The following STARD9 variants were observed in gnomAD, a reference collection of about 807,000 sequenced individuals.
The protein encoded by STARD9 is StAR related lipid transfer domain containing 9.
Under a neutral mutation model 399.8 loss-of-function variants are expected in STARD9, and 346 were observed. The ratio of observed to expected loss-of-function variants is 0.87; its 90% CI spans 0.79 to 0.95. The LOEUF is 0.95. Ranked by LOEUF, STARD9 falls within the 40% of genes least tolerant of loss-of-function variation. STARD9 has a pLI of 0.00. For synonymous variants in STARD9, 2,203 were observed against 2,143.5 expected (o/e 1.03, Z -0.77); for missense variants, 5,832 against 5,667.5 (o/e 1.03, Z -0.93).
chr15:42,679,947 A>G (rs529269398), intron 20 of STARD9, among the ~76,000 whole-genome samples: 21 of 152,190 alleles, frequency 1.4e-4, no homozygotes, highest in Non-Finnish European at 2.6e-4. Flanking sequence ...TGCCTGAGAT[A>G]TAGTTCCAGC....
chr15:42,645,689 C>T (rs901693167), intron 7 of STARD9, among the ~76,000 whole-genome samples: 9 of 151,910 alleles, frequency 5.9e-5, no homozygotes, highest in African/African-American at 1.9e-4. Flanking sequence ...CCCACCCATG[C>T]GCTACCATAC....
Position 42,690,184 on chromosome 15 carries a change from C to T in STARD9, c.8606C>T (p.Pro2869Leu). ...CTGACAAGGGTTGCACTGGAAGCTC[C>T]CACACAGCAGTGTGTGCAGTGTAAG... ...GALTRVALEA[P>L]TQQCVQCKES... is the part of the protein sequence containing the mutation. The change falls in exon 23 of 33, where the codon CCC becomes CTC. Residue 2869 changes from proline to leucine, a missense_variant. Around this residue, in one of 2 missense-constraint regions of STARD9, gnomAD observed 5,828 missense variants for 5,651.1 expected, o/e 1.03. Transcript: ENST00000290607. 1 of 1,537,648 alleles carries T rather than the reference C, an allele frequency of 6.5e-7. No homozygotes were observed. Among genetic ancestry groups the T allele is most frequent in the Non-Finnish European group, 8.7e-7 (1 of 1,146,924 alleles).
In STARD9 at chr15:42,663,742, G is replaced by A. The variant is rs2060034634; in HGVS notation, c.1079-78G>A. 5 of 1,090,338 alleles carry A rather than the reference G, an allele frequency of 4.6e-6. No individual in the cohort carries two copies. The South Asian group carries it at 5.4e-5, about 12-fold the overall frequency. 67.5% of individuals were successfully genotyped at this position (1,090,338 alleles called of 1,614,324 possible). A position where few individuals can be genotyped will look rare whatever the true frequency, so the allele number is the denominator to read the frequency against. ...TCATCAGGGGTCTTATACAGCATGG[G>A]CAGTAGTAACAAGGCAAGTGATTAA... On this transcript the variant is annotated intron_variant, in intron 12 of 32. Coordinates refer to ENST00000290607, the MANE Select transcript of STARD9 (RefSeq NM_020759.3).
Position 42,675,645 on chromosome 15 carries a change from A to T in STARD9, c.1688-19A>T. On this transcript the variant is annotated intron_variant, in intron 18 of 32. Transcript: ENST00000290607. ...AACATGAGCTGTTGATTGAATTCTC[A>T]TTTGTCTCTGTGCTGCAGGAGCTGT... is the stretch of plus-strand genomic sequence containing the variant. 6.5e-7 allele frequency: 1 copy of T among 1,530,234 alleles called. No homozygotes were observed. The highest frequency in any genetic ancestry group is 1.4e-5 in the African/African-American group (1 of 72,988). The allele number at this position is 1,530,234 out of a possible 1,614,324, so 94.8% of individuals were successfully genotyped here.
At position 42,691,000 on chromosome 15, in the gene STARD9, C is replaced by T. The variant is rs984694958; in HGVS notation, c.9422C>T (p.Pro3141Leu). The T allele has an allele frequency of 7.2e-6, 11 of 1,537,190 alleles. No homozygotes were observed. The highest frequency in any genetic ancestry group is 7.8e-6 in the Non-Finnish European group (9 of 1,146,892). Residue 3141 changes from proline to leucine, a missense_variant, in exon 23 of 33, where the codon CCA becomes CTA. Physicochemically the swap from Pro to Leu is moderately conservative, Grantham distance 98. This residue lies in a region of STARD9 where 5,828 missense variants were observed against 5,651.1 expected (regional missense o/e 1.03). Transcript: ENST00000290607. The stretch of plus-strand genomic sequence containing the variant: ...GAACCACCTGCAACAACTCAGGGAC[C>T]ACACACCCTGGATTTAAGTGAAGGG... ...NPEPPATTQG[P>L]HTLDLSEGSA...
In STARD9 at chr15:42,689,054, C is replaced by T. The variant is rs1345467995; in HGVS notation, c.7476C>T (p.Phe2492=). 1.3e-6 allele frequency: 2 copies of T among 1,537,188 alleles called. No homozygotes were observed. The highest frequency in any genetic ancestry group is 2.7e-5 in the African/African-American group (2 of 73,056). Residue 2492 remains phenylalanine (F), a synonymous_variant, in exon 23 of 33, where the codon TTC becomes TTT. Transcript: ENST00000290607. ...VSSQPEKRVS[F]SLEEDSDQAS... is the part of the protein sequence containing the mutation. ...GCCAGCCTGAAAAGAGGGTCAGCTT[C>T]TCCTTGGAAGAGGATAGTGACCAAG...
chr15:42,683,798 A>C (rs1304647133), intron 22 of STARD9, among the ~76,000 whole-genome samples: 1 of 152,158 alleles, frequency 6.6e-6, no homozygotes, highest in Non-Finnish European at 1.5e-5. Flanking sequence ...CTATAGATTT[A>C]TCTTTTGGTT....
rs1566893767 is a variant in STARD9 at position 42,637,947 on chromosome 15, C to T, written c.384+8C>T. 97 of 1,537,146 alleles carry T rather than the reference C, an allele frequency of 6.3e-5. No individual in the cohort carries two copies. The highest frequency in any genetic ancestry group is 8.2e-5 in the Non-Finnish European group (94 of 1,146,894). On this transcript the variant is annotated splice_region_variant and intron_variant, in intron 5 of 32. Coordinates refer to ENST00000290607, the MANE Select transcript of STARD9 (RefSeq NM_020759.3). ...ACACCACGGATATGTGAGGTATAGA[C>T]TATCTTTTGGCTGGATCCTCTCAAA... is the stretch of plus-strand genomic sequence containing the variant.
Position 42,607,476 on chromosome 15 carries a change from G to T in STARD9, c.234+21839G>T, listed in dbSNP as rs1210221222. Among the ~76,000 whole-genome samples, 11 of 151,800 alleles carry T rather than the reference G, an allele frequency of 7.2e-5. No homozygotes were observed. The East Asian group carries it at 1.2e-3, about 16-fold the overall frequency. On this transcript the variant is annotated intron_variant, in intron 3 of 32. Transcript: ENST00000290607. Reference sequence around the variant, plus strand: ...CCTCACCCTCCCAAAGTGCTGGGATGACAGGTGTGAGCCACTGTGCCCACC... The same window carrying T: ...CCTCACCCTCCCAAAGTGCTGGGATTACAGGTGTGAGCCACTGTGCCCACC...
chr15:42,669,116 C>G (rs927432279), intron 15 of STARD9, 42 bp from the exon 16 acceptor site: 1 of 1,476,892 alleles, frequency 6.8e-7, no homozygotes, highest in Non-Finnish European at 9.1e-7. Context: ...TTAGTCTGTT[C>G]CCCATGCTGA....
chr15:42,674,223 A>G (rs532977079), intron 16 of STARD9, among the ~76,000 whole-genome samples: 18 of 152,136 alleles, frequency 1.2e-4, no homozygotes, highest in Non-Finnish European at 2.1e-4. Context: ...TTTTAGCTCT[A>G]CCATCTCAGG....
chr15:42,590,836 C>T (rs532511816), intron 3 of STARD9, among the ~76,000 whole-genome samples: 18 of 152,224 alleles, frequency 1.2e-4, no homozygotes, highest in African/African-American at 2.2e-4. Flanking sequence ...AGAGCAAGAA[C>T]GCACTCATTA....
chr15:42,692,243 G>A lies in STARD9; in HGVS notation c.10665G>A (p.Trp3555Ter). 6.5e-7 allele frequency: 1 copy of A among 1,537,008 alleles called. No individual in the cohort carries two copies. The highest frequency in any genetic ancestry group is 8.7e-7 in the Non-Finnish European group (1 of 1,146,880). ...TENAQGSNEA[W>*]EVFRGSSSIA... Reference sequence around the variant, plus strand: ...ATGCCCAGGGTTCAAATGAGGCCTGGGAAGTATTCCGAGGGAGTTCTTCAA... The same window carrying A: ...ATGCCCAGGGTTCAAATGAGGCCTGAGAAGTATTCCGAGGGAGTTCTTCAA... The change falls in exon 23 of 33, where the codon TGG becomes TGA. Residue 3555 changes from tryptophan to a stop codon, truncating the protein, a stop_gained. Coordinates refer to ENST00000290607, the MANE Select transcript of STARD9 (RefSeq NM_020759.3). LOFTEE classifies it high-confidence loss of function.
chr15:42,668,011 G>T (rs2046727544), intron 15 of STARD9, among the ~76,000 whole-genome samples: 1 of 152,188 alleles, frequency 6.6e-6, no homozygotes, highest in Non-Finnish European at 1.5e-5. Context: ...TGAAGTAGTG[G>T]AGCCAAAATC....
intron 3 of STARD9, among the ~76,000 whole-genome samples, chr15:42,606,609 C>A (rs1283380651): frequency 1.3e-5 from 2 of 151,636 alleles, no homozygotes; most frequent in Non-Finnish European, 2.9e-5. Context: ...GTGCGCACCA[C>A]CACACCCAGC....
Position 42,652,372 on chromosome 15 carries a change from C to T in STARD9, c.630-148C>T, listed in dbSNP as rs574331242. The T allele has an allele frequency of 7.2e-5, 49 of 677,384 alleles. No individual in the cohort carries two copies. In the African/African-American group the frequency reaches 7.5e-4, roughly 10 times the overall value. 42.0% of individuals were successfully genotyped at this position (677,384 alleles called of 1,614,324 possible). On this transcript the variant is annotated intron_variant, in intron 8 of 32. Coordinates refer to ENST00000290607, the MANE Select transcript of STARD9 (RefSeq NM_020759.3). Reference sequence around the variant, plus strand: ...CTGCTTCTGCCCTCTTTGGACTATTCTCTTCACGATACTGGACTAAATATG... The same window carrying T: ...CTGCTTCTGCCCTCTTTGGACTATTTTCTTCACGATACTGGACTAAATATG...
intron 13 of STARD9, among the ~76,000 whole-genome samples, chr15:42,664,826 C>T (rs986927674): frequency 1.4e-5 from 2 of 147,736 alleles, no homozygotes; most frequent in Non-Finnish European, 3.0e-5. Flanking sequence ...ACACACACAC[C>T]CCATACGTAC....
intron 3 of STARD9, among the ~76,000 whole-genome samples, chr15:42,620,134 G>A (rs2059057927): frequency 6.6e-6 from 1 of 152,168 alleles, no homozygotes; most frequent in Non-Finnish European, 1.5e-5. Context: ...ACTACTCTTT[G>A]TGGTTTCCTG....
intron 26 of STARD9, among the ~76,000 whole-genome samples, chr15:42,697,901 G>A (rs781321964): frequency 5.9e-5 from 9 of 151,994 alleles, no homozygotes; most frequent in South Asian, 4.1e-4. Flanking sequence ...ACCCATCCCC[G>A]CCCTCAGTGT....
Sources: allele counts gnomAD v4.1 joint callset (sites outside exome capture counted in the v4.1 genomes callset), GRCh38; gene constraint gnomAD v4.1.1; regional missense constraint gnomAD v4.1.1; transcripts MANE v1.5; gene names NCBI Gene and HGNC (gene_info 2026-07-23, HGNC 2026-07-21).